Variants in PPP1R12B observed in about 807,000 individuals in gnomAD.
PPP1R12B encodes the protein myosin phosphatase target subunit 2.
A neutral mutation model predicts 126.1 loss-of-function variants in PPP1R12B; 76 were observed. The observed-to-expected ratio is 0.60, with a 90% CI of 0.50 to 0.73. The LOEUF (loss-of-function observed/expected upper bound fraction) is 0.73. Ranked by LOEUF, PPP1R12B falls within the 30% of genes least tolerant of loss-of-function variation. The pLI, the probability that PPP1R12B is intolerant of heterozygous loss-of-function variation, is 0.00. For missense variants in PPP1R12B, 1,052 were observed against 1,205.1 expected, an observed-to-expected ratio of 0.87 and a Z score of 1.88; for synonymous variants, 356 against 434.7, an observed-to-expected ratio of 0.82 and a Z score of 2.25.
At chr1:202,402,589 G>T (rs1380349649) in intron 1 of PPP1R12B, among the ~76,000 whole-genome samples, 1 of 152,182 alleles carries the variant, frequency 6.6e-6, no homozygotes, top group Non-Finnish European at 1.5e-5. Flanking sequence ...ATTATACCCA[G>T]ATTTGGACTG....
chr1:202,386,289 T>C (rs943070196), intron 1 of PPP1R12B, among the ~76,000 whole-genome samples: 1 of 151,792 alleles, frequency 6.6e-6, no homozygotes, highest in Non-Finnish European at 1.5e-5. Flanking sequence ...TAAATGTAAA[T>C]TTGAATACTT....
At chr1:202,409,940 C>T (rs1468193198) in intron 1 of PPP1R12B, among the ~76,000 whole-genome samples, 1 of 152,028 alleles carries the variant, frequency 6.6e-6, no homozygotes, top group African/African-American at 2.4e-5. Flanking sequence ...ATTTGTATAT[C>T]TTTGGATACA....
At chr1:202,410,281 C>T (rs1667219080) in intron 1 of PPP1R12B, 1 of 152,204 alleles carries the variant, frequency 6.6e-6, no homozygotes, top group Admixed American at 6.5e-5. Context: ...TCTTGATATA[C>T]TCTCAACAAT....
chr1:202,421,841 T>C (rs986445151), intron 2 of PPP1R12B, among the ~76,000 whole-genome samples: 2 of 152,198 alleles, frequency 1.3e-5, no homozygotes, highest in Non-Finnish European at 2.9e-5. Context: ...AAAGATGAAC[T>C]AGATTTGAAG....
At position 202,415,429 on chromosome 1, in the gene PPP1R12B, G is replaced by C. The variant is rs542533859; in HGVS notation, c.292-1358G>C. ...TCCTTTGATTTGGATAATTCTTCCTGAGCTGAAGTTTTAGCCTTGTTTTTT... is the reference window on the plus strand; with the variant it reads ...TCCTTTGATTTGGATAATTCTTCCTCAGCTGAAGTTTTAGCCTTGTTTTTT... On this transcript the variant is annotated intron_variant, in intron 1 of 23. Coordinates refer to ENST00000608999, the MANE Select transcript of PPP1R12B (RefSeq NM_002481.4). Among the ~76,000 whole-genome samples, 18 of 152,274 alleles carry C rather than the reference G, an allele frequency of 1.2e-4. No individual in the cohort carries two copies. In the South Asian group the frequency reaches 3.7e-3, roughly 32 times the overall value.
intron 18 of PPP1R12B, among the ~76,000 whole-genome samples, chr1:202,500,814 T>C (rs1356409014): frequency 6.6e-6 from 1 of 152,242 alleles, no homozygotes; most frequent in East Asian, 1.9e-4. Flanking sequence ...TGTATTGAAA[T>C]ATCACTTCAT....
chr1:202,525,822 C>T (rs932438240), intron 18 of PPP1R12B, among the ~76,000 whole-genome samples: 7 of 151,996 alleles, frequency 4.6e-5, no homozygotes, highest in Admixed American at 2.0e-4. Context: ...CTCAGCCTCC[C>T]GAGTAGCTGT....
chr1:202,436,402 G>A (rs1318396299), intron 9 of PPP1R12B, among the ~76,000 whole-genome samples: 1 of 152,026 alleles, frequency 6.6e-6, no homozygotes, highest in Admixed American at 6.5e-5. Flanking sequence ...AAAGCTGGAA[G>A]GGGTACGTAA....
chr1:202,473,630 G>C (rs1001685155), intron 13 of PPP1R12B, among the ~76,000 whole-genome samples: 2 of 152,200 alleles, frequency 1.3e-5, no homozygotes, highest in African/African-American at 4.8e-5. Context: ...TGATTGGTTT[G>C]GTACAGTGTA....
chr1:202,491,785 T>G (rs1459260674), intron 14 of PPP1R12B, among the ~76,000 whole-genome samples: 1 of 152,216 alleles, frequency 6.6e-6, no homozygotes, highest in Admixed American at 6.5e-5. Context: ...CTCGTTGAAA[T>G]GTGTACATAA....
chr1:202,364,887 T>G (rs1205108847), intron 1 of PPP1R12B, among the ~76,000 whole-genome samples: 1 of 152,084 alleles, frequency 6.6e-6, no homozygotes, highest in African/African-American at 2.4e-5. Flanking sequence ...CATTTTAAAA[T>G]TTTTTGTAGA....
chr1:202,375,888 A>G (rs527390999), intron 1 of PPP1R12B, among the ~76,000 whole-genome samples: 24 of 152,320 alleles, frequency 1.6e-4, no homozygotes, highest in African/African-American at 5.5e-4. Context: ...CACTTGTCAT[A>G]TAGTCTTATA....
chr1:202,425,760 C>T (rs373791430), intron 4 of PPP1R12B, 35 bp downstream of exon 4: 8 of 1,570,840 alleles, frequency 5.1e-6, no homozygotes, highest in Non-Finnish European at 6.9e-6. Context: ...GAGTGGTTCA[C>T]TGGGAGAAGA....
chr1:202,397,030 A>C (rs1159623932), intron 1 of PPP1R12B, among the ~76,000 whole-genome samples: 8 of 152,172 alleles, frequency 5.3e-5, no homozygotes, highest in Non-Finnish European at 1.0e-4. Flanking sequence ...AAAGATGCTC[A>C]AGTCTCTTTC....
intron 8 of PPP1R12B, among the ~76,000 whole-genome samples, 170 bp from the exon 9 acceptor site, chr1:202,434,486 T>C (rs1043547570): frequency 2.0e-5 from 3 of 152,226 alleles, no homozygotes; most frequent in African/African-American, 7.2e-5. Context: ...TATTTTTTTC[T>C]GCCAACAGTT....
intron 1 of PPP1R12B, among the ~76,000 whole-genome samples, chr1:202,374,148 A>G (rs1267390817): frequency 2.0e-5 from 3 of 152,046 alleles, no homozygotes; most frequent in Admixed American, 6.6e-5. Flanking sequence ...ATCCAACTGG[A>G]TTCTCATTAT....
At chr1:202,548,962 A>G (rs1263866963) in intron 18 of PPP1R12B, among the ~76,000 whole-genome samples, 1 of 151,936 alleles carries the variant, frequency 6.6e-6, no homozygotes, top group Non-Finnish European at 1.5e-5. Flanking sequence ...TGCCAAAACC[A>G]AGAAAATAAA....
intron 13 of PPP1R12B, 69 bp from the exon 14 acceptor site, chr1:202,488,464 A>G: frequency 8.3e-7 from 1 of 1,206,078 alleles, no homozygotes; most frequent in East Asian, 2.5e-5. Flanking sequence ...ATATGTGGAA[A>G]CACTTTGTCA....
rs1666524004 is a variant in PPP1R12B at position 202,405,811 on chromosome 1, A to G, written c.292-10976A>G. ...ACTGCTTTCTCTCGTGTCTTCTACC[A>G]TGTAGTACTCTACCTGTGGGAGGAC... On this transcript the variant is annotated intron_variant, in intron 1 of 23. Coordinates refer to ENST00000608999, the MANE Select transcript of PPP1R12B (RefSeq NM_002481.4). Among the ~76,000 whole-genome samples, 4 of 152,344 alleles carry G rather than the reference A, an allele frequency of 2.6e-5. No individual in the cohort carries two copies. In the South Asian group the frequency reaches 8.3e-4, roughly 32 times the overall value.
Sources: allele counts gnomAD v4.1 joint callset (sites outside exome capture counted in the v4.1 genomes callset), GRCh38; gene constraint gnomAD v4.1.1; transcripts MANE v1.5; gene names NCBI Gene and HGNC (gene_info 2026-07-23, HGNC 2026-07-21).